Variants in ABHD3 observed in about 807,000 individuals in gnomAD.
ABHD3 encodes phospholipase ABHD3.
ABHD3 carries 46 observed loss-of-function variants against 48.8 expected under a neutral mutation model. That is an observed-to-expected ratio of 0.94 (90% CI 0.74 to 1.20). ABHD3 has a LOEUF of 1.20. Among genes scored for constraint, ABHD3 ranks in the 50% most tolerant of loss-of-function variants. The pLI, the probability that ABHD3 is intolerant of heterozygous loss-of-function variation, is 0.00. For synonymous variants in ABHD3, 192 were observed against 183.7 expected, an observed-to-expected ratio of 1.04 and a Z score of -0.36; for missense variants, 490 against 497.8, an observed-to-expected ratio of 0.98 and a Z score of 0.15.
At chr18:21,701,556 C>G (rs2040513717) in intron 3 of ABHD3, 1 of 151,964 alleles carries the variant, frequency 6.6e-6, no homozygotes, top group South Asian at 2.1e-4. Context: ...ACAAGTGTTT[C>G]AAGTTTAACA....
intron 3 of ABHD3, among the ~76,000 whole-genome samples, chr18:21,684,322 T>G (rs1337738798): frequency 7.1e-6 from 1 of 140,198 alleles, no homozygotes; most frequent in Admixed American, 7.2e-5. Flanking sequence ...TTTTTTTTTT[T>G]TTTTTTTTTT....
At chr18:21,675,174 T>C (rs1338391972) in intron 4 of ABHD3, among the ~76,000 whole-genome samples, 7 of 151,748 alleles carry the variant, frequency 4.6e-5, no homozygotes, top group South Asian at 2.1e-4. Context: ...ACAGCCTGAG[T>C]TCCTGCCGTG....
chr18:21,652,792 C>T (rs1436169664), intron 8 of ABHD3, among the ~76,000 whole-genome samples: 4 of 146,150 alleles, frequency 2.7e-5, no homozygotes, highest in East Asian at 2.0e-4. Flanking sequence ...AAAGAGCTCA[C>T]GCCTGTCATC....
intron 5 of ABHD3, chr18:21,663,681 G>C: frequency 1.3e-6 from 2 of 1,535,414 alleles, no homozygotes; most frequent in Non-Finnish European, 1.7e-6. Flanking sequence ...ATACCACCTG[G>C]GGAAAAATAA....
chr18:21,696,877 C>T (rs534295971), intron 3 of ABHD3, among the ~76,000 whole-genome samples: 1 of 151,986 alleles, frequency 6.6e-6, no homozygotes, highest in East Asian at 1.9e-4. Context: ...CATTCCTGGC[C>T]TCTCTTATTT....
At chr18:21,660,141 A>T (rs1194087600) in intron 5 of ABHD3, among the ~76,000 whole-genome samples, 2 of 148,746 alleles carry the variant, frequency 1.3e-5, no homozygotes, top group African/African-American at 5.1e-5. Flanking sequence ...AAAAAAAAAA[A>T]AAAAAATTTT....
chr18:21,693,774 A>G (rs1013342924), intron 3 of ABHD3, among the ~76,000 whole-genome samples: 1 of 152,218 alleles, frequency 6.6e-6, no homozygotes, highest in Non-Finnish European at 1.5e-5. Flanking sequence ...TAAAAACCAA[A>G]TTATTTTAAC....
At chr18:21,696,958 CTT>C (rs1364388801) in intron 3 of ABHD3, among the ~76,000 whole-genome samples, 2 of 152,094 alleles carry the variant, frequency 1.3e-5, no homozygotes, top group East Asian at 3.8e-4. Flanking sequence ...GGCTTAGCAA[CTT>C]TCTCCTCTTG....
intron 4 of ABHD3, among the ~76,000 whole-genome samples, chr18:21,666,367 T>A (rs1159943571): frequency 6.6e-6 from 1 of 152,190 alleles, no homozygotes; most frequent in African/African-American, 2.4e-5. Context: ...CTAATTTTTG[T>A]ATTTTTAGTA....
At chr18:21,656,063 G>A (rs1472488125) in intron 8 of ABHD3, among the ~76,000 whole-genome samples, 1 of 151,936 alleles carries the variant, frequency 6.6e-6, no homozygotes, top group Non-Finnish European at 1.5e-5. Flanking sequence ...GGCTGAGGAG[G>A]GAGAATTGCT....
At position 21,683,945 on chromosome 18, in the gene ABHD3, C is replaced by T. The variant is rs1461641344; in HGVS notation, c.530G>A (p.Arg177Lys). The T allele has an allele frequency of 8.1e-6, 13 of 1,601,418 alleles. No individual in the cohort carries two copies. The highest frequency in any genetic ancestry group is 1.1e-5 in the Non-Finnish European group (13 of 1,173,300). Residue 177 changes from arginine (R) to lysine (K), a missense_variant, in exon 4 of 9, where the codon AGA becomes AAA. Arg to Lys is a conservative substitution (Grantham distance 26, BLOSUM62 2). Coordinates refer to ENST00000289119, the MANE Select transcript of ABHD3 (RefSeq NM_138340.5). The part of the protein sequence containing the change: ...LGYRCVVFNN[R>K]GVAGENLLTP... ...CAAGAGATTCTCCCCCGCCACTCCT[C>T]TGTTGTTAAAAACCACACATCTAAA... is the stretch of plus-strand genomic sequence containing the variant.
chr18:21,673,250 C>A (rs1238033212), intron 4 of ABHD3, among the ~76,000 whole-genome samples: 1 of 152,156 alleles, frequency 6.6e-6, no homozygotes, highest in Non-Finnish European at 1.5e-5. Context: ...TACCTGGACT[C>A]CACCCTTGAC....
intron 6 of ABHD3, among the ~76,000 whole-genome samples, chr18:21,658,838 GTTTTTTT>G (rs564228924): frequency 1.2e-4 from 16 of 136,648 alleles, no homozygotes; most frequent in Non-Finnish European, 2.4e-4. Context: ...GGAGACAATA[GTTTTTTT>G]TTTTTTTTTT....
intron 4 of ABHD3, among the ~76,000 whole-genome samples, chr18:21,677,407 G>A (rs1219516279): frequency 2.0e-5 from 3 of 148,514 alleles, no homozygotes; most frequent in Non-Finnish European, 3.0e-5. Flanking sequence ...GGGTTTCACC[G>A]TGTTAGCCAG....
At chr18:21,696,331 A>G (rs1598561323) in intron 3 of ABHD3, among the ~76,000 whole-genome samples, 1 of 152,170 alleles carries the variant, frequency 6.6e-6, no homozygotes, top group African/African-American at 2.4e-5. Context: ...AAATATTTTT[A>G]GTAGAGACAG....
chr18:21,694,841 C>A (rs1346327000), intron 3 of ABHD3, among the ~76,000 whole-genome samples: 1 of 151,984 alleles, frequency 6.6e-6, no homozygotes, highest in South Asian at 2.1e-4. Flanking sequence ...TATGTGACAC[C>A]GCTGATCTAC....
At position 21,657,111 on chromosome 18, in the gene ABHD3, A is replaced by G. The variant is rs377709120; in HGVS notation, c.884T>C (p.Val295Ala). The change falls in exon 7 of 9, where the codon GTC (valine) becomes GCC (alanine). Residue 295 changes from valine to alanine, a missense_variant. By Grantham distance (64) the Val-to-Ala change is moderately conservative (BLOSUM62 0). Coordinates refer to ENST00000289119, the MANE Select transcript of ABHD3 (RefSeq NM_138340.5). ...ATAAAGTTTCTCTCCTACCTTCATGACATGATCCATATCAACTTGTTTTAC... is the reference window on the plus strand; with the variant it reads ...ATAAAGTTTCTCTCCTACCTTCATGGCATGATCCATATCAACTTGTTTTAC... Reference protein sequence around the residue: ...MFVKQVDMDHVMKAKSIREFD... With the variant: ...MFVKQVDMDHAMKAKSIREFD... 3 of 1,613,538 alleles carry G rather than the reference A, an allele frequency of 1.9e-6. No individual in the cohort carries two copies. Among genetic ancestry groups the G allele is most frequent in the Non-Finnish European group, 2.5e-6 (3 of 1,179,866 alleles).
At chr18:21,656,469 T>G (rs1330692632) in intron 8 of ABHD3, among the ~76,000 whole-genome samples, 1 of 152,208 alleles carries the variant, frequency 6.6e-6, no homozygotes, top group Non-Finnish European at 1.5e-5. Context: ...AGTCTCAAGT[T>G]CTCTTCCAGA....
intron 3 of ABHD3, among the ~76,000 whole-genome samples, chr18:21,692,086 A>T (rs1052276063): frequency 1.8e-4 from 28 of 152,156 alleles, no homozygotes; most frequent in African/African-American, 2.4e-5. Flanking sequence ...ACTAGCTGGG[A>T]TTACAGGCGT....
Sources: gnomAD v4.1 joint callset for allele counts (sites outside exome capture counted in the v4.1 genomes callset) on GRCh38, gnomAD v4.1.1 for gene constraint, MANE v1.5 for transcripts, NCBI Gene and HGNC (gene_info 2026-07-23, HGNC 2026-07-21) for gene names.